Variants in MAP7D3 observed in about 807,000 individuals in gnomAD.
The protein encoded by MAP7D3 is MAP7 domain containing 3.
A neutral mutation model predicts 62.2 loss-of-function variants in MAP7D3; 45 were observed. The observed-to-expected ratio is 0.72, with a 90% CI of 0.57 to 0.93. MAP7D3 has a LOEUF of 0.93. Among genes scored for constraint, MAP7D3 ranks in the 40% least tolerant of loss-of-function variants. The pLI, the probability that MAP7D3 is intolerant of heterozygous loss-of-function variation, is 0.00. For missense variants in MAP7D3, 711 were observed against 683.1 expected (o/e 1.04, Z -0.45); for synonymous variants, 288 against 248.8 (o/e 1.16, Z -1.48).
chrX:136,222,680 C>T (rs1454990579), intron 14 of MAP7D3, among the ~76,000 whole-genome samples, 194 bp from the exon 15 acceptor site: 1 of 111,510 alleles, frequency 9.0e-6, no homozygotes, highest in Non-Finnish European at 1.9e-5. Flanking sequence ...GTAGCTGCGT[C>T]TTTTAGCTAG....
At position 136,251,326 on chromosome X, in the gene MAP7D3, G is replaced by A; in HGVS notation, c.33C>T (p.Gly11=). 8.9e-7 allele frequency: 1 copy of A among 1,128,787 alleles called. No individual in the cohort carries two copies. The highest frequency in any genetic ancestry group is 1.2e-6 in the Non-Finnish European group (1 of 860,317). 93.0% of individuals were successfully genotyped at this position (1,128,787 alleles called of 1,213,427 possible). Residue 11 remains glycine (G), a synonymous_variant, in exon 1 of 19, where the codon GGC becomes GGT. Coordinates refer to ENST00000316077, the MANE Select transcript of MAP7D3 (RefSeq NM_024597.4). Reference sequence around the variant, plus strand: ...GCAGCTCTCTCAAGGATGGGCTGCCGCCAGCGCCAGCTGCGGCGCCGTCCG... The same window carrying A: ...GCAGCTCTCTCAAGGATGGGCTGCCACCAGCGCCAGCTGCGGCGCCGTCCG... MMADGAAAGA[G]GSPSLRELRA...
Position 136,231,987 on chromosome X carries a change from TG to T in MAP7D3, c.969del (p.Lys324ArgfsTer10). 8.3e-7 allele frequency: 1 copy of T among 1,211,288 alleles called. No individual in the cohort carries two copies. Among genetic ancestry groups the T allele is most frequent in the Non-Finnish European group, 1.1e-6 (1 of 895,247 alleles). ...TCAGGGGCCATGCCCACACCTGCCTTGGGGGACGCTTCCATGCTTGTGTTGC... is the reference window on the plus strand; with the variant it reads ...TCAGGGGCCATGCCCACACCTGCCTTGGGGACGCTTCCATGCTTGTGTTGC... The part of the protein sequence containing the change: ...VFCNTSMEAS[P>X]KAGVGMAPEV... On this transcript the variant is annotated frameshift_variant, in exon 8 of 19. Coordinates refer to ENST00000316077, the MANE Select transcript of MAP7D3 (RefSeq NM_024597.4). LOFTEE classifies it high-confidence loss of function.
At chrX:136,253,460 A>G (rs906518118), upstream of MAP7D3, among the ~76,000 whole-genome samples, 1 of 112,745 alleles carries the variant, frequency 8.9e-6, no homozygotes, top group Non-Finnish European at 1.9e-5. Context: ...TCAAAATATT[A>G]GTGTCATGAA....
At chrX:136,245,137 G>A (rs1378341018) in intron 3 of MAP7D3, among the ~76,000 whole-genome samples, 2 of 112,117 alleles carry the variant, frequency 1.8e-5, no homozygotes, top group African/African-American at 3.2e-5. Context: ...TTAATATGCT[G>A]TACATTAAAA....
intron 16 of MAP7D3, among the ~76,000 whole-genome samples, chrX:136,220,346 A>C (rs2074111375): frequency 8.9e-6 from 1 of 112,542 alleles, no homozygotes. Flanking sequence ...TTACTGTCAC[A>C]CTCACAGTTG....
chrX:136,224,094 A>C (rs1054895204), intron 14 of MAP7D3, among the ~76,000 whole-genome samples: 1 of 105,842 alleles, frequency 9.4e-6, no homozygotes, highest in East Asian at 2.9e-4. Context: ...ATCCAGAAGA[A>C]GACAACATTA....
At position 136,220,966 on chromosome X, in the gene MAP7D3, A is replaced by G; in HGVS notation, c.2288-3T>C. ...TGAGCCTGTGCCATTTAGAATGGCT[A>G]GGAAAAAAAATTACACAATTAAATA... is the stretch of plus-strand genomic sequence containing the variant. On this transcript the variant is annotated splice_region_variant and splice_polypyrimidine_tract_variant and intron_variant, in intron 15 of 18. Transcript: ENST00000316077. 8.6e-7 allele frequency: 1 copy of G among 1,161,711 alleles called. No homozygotes were observed. The highest frequency in any genetic ancestry group is 1.8e-5 in the South Asian group (1 of 55,045).
intron 10 of MAP7D3, 56 bp from the exon 11 acceptor site, chrX:136,228,814 C>T (rs2074229023): frequency 2.1e-6 from 2 of 967,714 alleles, no homozygotes; most frequent in Non-Finnish European, 1.4e-6. Context: ...CTCACTCCAA[C>T]AAAGAAGTGC....
intron 4 of MAP7D3, among the ~76,000 whole-genome samples, 165 bp from the exon 5 acceptor site, chrX:136,241,442 A>G (rs1379380010): frequency 8.9e-6 from 1 of 111,902 alleles, no homozygotes; most frequent in Non-Finnish European, 1.9e-5. Context: ...CTTCTCCTAA[A>G]TAACTCATTT....
In MAP7D3 at chrX:136,239,526, T is replaced by C. The variant is rs149644524; in HGVS notation, c.640+856A>G. ...AAATATAAACCACAGAAAAGGATGT[T>C]AGAGTAGAAATCACTGAATTTCTTG... On this transcript the variant is annotated intron_variant, in intron 6 of 18. Coordinates refer to ENST00000316077, the MANE Select transcript of MAP7D3 (RefSeq NM_024597.4). Among the ~76,000 whole-genome samples, 237 of 112,237 alleles carry C rather than the reference T, an allele frequency of 2.1e-3. 9 individuals carry two copies. In the East Asian group the frequency reaches 0.043, roughly 20 times the overall value.
At chrX:136,254,984 T>A (rs1203290065), upstream of MAP7D3, among the ~76,000 whole-genome samples, 3 of 111,565 alleles carry the variant, frequency 2.7e-5, no homozygotes, top group East Asian at 8.3e-4. Flanking sequence ...GGAAGGCCAA[T>A]GCGAGCAGAT....
chrX:136,248,086 T>C (rs1220867277), intron 1 of MAP7D3, among the ~76,000 whole-genome samples: 3 of 111,667 alleles, frequency 2.7e-5, no homozygotes, highest in East Asian at 5.6e-4. Flanking sequence ...TGGTGGTGCA[T>C]GCCTGTAGTC....
intron 10 of MAP7D3, among the ~76,000 whole-genome samples, chrX:136,229,845 T>C (rs1159594653): frequency 1.9e-5 from 2 of 105,397 alleles, no homozygotes; most frequent in Admixed American, 1.0e-4. Flanking sequence ...GGACTACAGA[T>C]GTGTACCACC....
intron 1 of MAP7D3, among the ~76,000 whole-genome samples, chrX:136,247,757 T>C (rs1410233895): frequency 1.8e-5 from 2 of 111,495 alleles, no homozygotes; most frequent in Non-Finnish European, 3.8e-5. Context: ...TAACAAAAAT[T>C]CTTGGTCTAT....
chrX:136,213,312 C>T (rs1373251293), downstream of MAP7D3: 1 of 111,270 alleles, frequency 9.0e-6, no homozygotes, highest in East Asian at 2.8e-4. Flanking sequence ...TTCCCCTTAA[C>T]AATTTGTCAG....
At chrX:136,225,184 C>T (rs999877699) in intron 13 of MAP7D3, among the ~76,000 whole-genome samples, 2 of 112,540 alleles carry the variant, frequency 1.8e-5, no homozygotes, top group African/African-American at 3.2e-5. Context: ...TATATTATTG[C>T]GAACCAATTA....
At chrX:136,248,282 A>G (rs1029933401) in intron 1 of MAP7D3, among the ~76,000 whole-genome samples, 2 of 112,501 alleles carry the variant, frequency 1.8e-5, no homozygotes, top group Non-Finnish European at 3.8e-5. Context: ...GAATCATATA[A>G]AGGTTAATGT....
At chrX:136,216,790 A>C (rs183169157), downstream of MAP7D3, 11 of 111,821 alleles carry the variant, frequency 9.8e-5, no homozygotes, top group East Asian at 3.1e-3. Context: ...CACTTTTTTT[A>C]GTATTATAAT....
At position 136,236,331 on chromosome X, in the gene MAP7D3, C is replaced by G. The variant is rs760419884; in HGVS notation, c.649G>C (p.Asp217His). The G allele has an allele frequency of 8.7e-7, 1 of 1,147,105 alleles. No homozygotes were observed. Among genetic ancestry groups the G allele is most frequent in the Non-Finnish European group, 1.2e-6 (1 of 842,794 alleles). The allele number at this position is 1,147,105 out of a possible 1,213,427, so 94.5% of individuals were successfully genotyped here. The change falls in exon 7 of 19, where the codon GAC (aspartate) becomes CAC (histidine). Residue 217 changes from aspartate to histidine, a missense_variant. By Grantham distance (81) the Asp-to-His change is moderately conservative. Coordinates refer to ENST00000316077, the MANE Select transcript of MAP7D3 (RefSeq NM_024597.4). ...TTTAAAGATGAGCTTCTCTCCTTGT[C>G]TGTTTTCCCTAGAGAGCAAGTACAA... ...LQNSVAKRKTDKERSSSLNRR... is the reference protein window; with the variant it reads ...LQNSVAKRKTHKERSSSLNRR...
Sources: gnomAD v4.1 joint callset for allele counts (sites outside exome capture counted in the v4.1 genomes callset) on GRCh38, gnomAD v4.1.1 for gene constraint, MANE v1.5 for transcripts, NCBI Gene and HGNC (gene_info 2026-07-23, HGNC 2026-07-21) for gene names.